TTC17: variants seen among roughly 807,000 people sequenced by gnomAD.
The protein encoded by TTC17 is tetratricopeptide repeat domain 17.
TTC17 carries 58 observed loss-of-function variants against 143.8 expected under a neutral mutation model. The observed-to-expected ratio is 0.40, with a 90% CI of 0.33 to 0.50. The LOEUF (loss-of-function observed/expected upper bound fraction) is 0.50. TTC17 is among the 20% of genes least tolerant of loss of function. TTC17 has a pLI of 0.49. For synonymous variants in TTC17, 501 were observed against 497.8 expected, an observed-to-expected ratio of 1.01 and a Z score of -0.09; for missense variants, 1,273 against 1,392.5, an observed-to-expected ratio of 0.91 and a Z score of 1.37.
At chr11:43,464,153 G>C (rs531698483) in intron 21 of TTC17, among the ~76,000 whole-genome samples, 61 of 151,978 alleles carry the variant, frequency 4.0e-4, no homozygotes, top group Non-Finnish European at 5.6e-4. Context: ...GGTGGTGCAC[G>C]CCTGTAATGC....
chr11:43,360,326 G>A (rs1403425580), intron 1 of TTC17, among the ~76,000 whole-genome samples: 5 of 152,196 alleles, frequency 3.3e-5, no homozygotes, highest in Non-Finnish European at 5.9e-5. Flanking sequence ...CATACATAAA[G>A]AACAGTTTCC....
At chr11:43,380,776 A>G (rs1856938319) in intron 2 of TTC17, among the ~76,000 whole-genome samples, 1 of 152,218 alleles carries the variant, frequency 6.6e-6, no homozygotes, top group Non-Finnish European at 1.5e-5. Flanking sequence ...GTGTTTCTAG[A>G]ACTTGAATAC....
intron 16 of TTC17, among the ~76,000 whole-genome samples, chr11:43,420,751 T>C (rs1946883392): frequency 6.6e-6 from 1 of 152,144 alleles, no homozygotes; most frequent in Non-Finnish European, 1.5e-5. Flanking sequence ...TATTTGTTGG[T>C]TTTTAATGTG....
At chr11:43,388,685 A>G (rs1857262289) in intron 2 of TTC17, among the ~76,000 whole-genome samples, 1 of 151,842 alleles carries the variant, frequency 6.6e-6, no homozygotes, top group Non-Finnish European at 1.5e-5. Context: ...TAAAACATAG[A>G]AAAGTTGGCC....
intron 1 of TTC17, 23 bp from the exon 2 acceptor site, chr11:43,379,210 A>C: frequency 6.2e-7 from 1 of 1,602,722 alleles, no homozygotes; most frequent in African/African-American, 1.3e-5. Context: ...TCCGAGCTTT[A>C]TTTATTTATT....
chr11:43,436,154 T>C, intron 16 of TTC17: 2 of 1,376,472 alleles, frequency 1.5e-6, no homozygotes, highest in Non-Finnish European at 1.9e-6. Flanking sequence ...CTGTGTCTCT[T>C]GTCATTGAGG....
intron 1 of TTC17, among the ~76,000 whole-genome samples, chr11:43,369,279 G>A (rs941408546): frequency 5.9e-5 from 9 of 152,174 alleles, no homozygotes; most frequent in African/African-American, 1.9e-4. Flanking sequence ...TAGGAGAATG[G>A]TGATTGTTTA....
At chr11:43,467,567 C>T (rs557946589) in intron 21 of TTC17, among the ~76,000 whole-genome samples, 3 of 152,172 alleles carry the variant, frequency 2.0e-5, no homozygotes, top group Admixed American at 1.3e-4. Context: ...TTTTCCCAGA[C>T]GAAGAAGTTC....
At chr11:43,395,988 GTAA>G (rs1313912280) in intron 5 of TTC17, 1 of 151,986 alleles carries the variant, frequency 6.6e-6, no homozygotes, top group Non-Finnish European at 1.5e-5. Flanking sequence ...GTATGATAAT[GTAA>G]TATACATTAC....
chr11:43,365,925 T>A (rs912967061), intron 1 of TTC17, among the ~76,000 whole-genome samples: 1 of 152,180 alleles, frequency 6.6e-6, no homozygotes, highest in Non-Finnish European at 1.5e-5. Context: ...ATATGTATGC[T>A]GAGAGTATCT....
chr11:43,429,611 A>G (rs1947107535), intron 16 of TTC17, among the ~76,000 whole-genome samples: 1 of 152,242 alleles, frequency 6.6e-6, no homozygotes, highest in African/African-American at 2.4e-5. Context: ...TTTACTAGAG[A>G]TAAATATGAA....
intron 1 of TTC17, among the ~76,000 whole-genome samples, chr11:43,362,454 G>C (rs113327974): frequency 1.3e-4 from 20 of 152,206 alleles, no homozygotes; most frequent in African/African-American, 4.6e-4. Flanking sequence ...GTCAACATGC[G>C]TATGTATTGG....
intron 1 of TTC17, among the ~76,000 whole-genome samples, chr11:43,367,550 C>T (rs1273041234): frequency 6.6e-6 from 1 of 152,178 alleles, no homozygotes; most frequent in Non-Finnish European, 1.5e-5. Flanking sequence ...TGAAAGTAAA[C>T]AGAAGGCGCT....
chr11:43,369,224 C>T (rs1468533213), intron 1 of TTC17, among the ~76,000 whole-genome samples: 1 of 152,174 alleles, frequency 6.6e-6, no homozygotes, highest in Non-Finnish European at 1.5e-5. Context: ...GGAAGTTACT[C>T]ATTTGTGGTT....
At chr11:43,378,123 A>T (rs532883612) in intron 1 of TTC17, among the ~76,000 whole-genome samples, 55 of 152,206 alleles carry the variant, frequency 3.6e-4, no homozygotes, top group African/African-American at 1.3e-3. Context: ...GGCTGGTCTC[A>T]AACTTTCAAC....
At chr11:43,408,668 G>A (rs1358610052) in intron 15 of TTC17, among the ~76,000 whole-genome samples, 1 of 152,146 alleles carries the variant, frequency 6.6e-6, no homozygotes, top group East Asian at 1.9e-4. Context: ...TAAAATTTTA[G>A]TTGTTAAATA....
At chr11:43,471,590 T>C (rs57308560) in intron 21 of TTC17, among the ~76,000 whole-genome samples, 21,868 of 152,268 alleles carry the variant, frequency 0.14, 4,219 homozygotes, top group African/African-American at 0.44. Context: ...AGCATAAGTT[T>C]GTCTCCAGCT....
chr11:43,392,715 A>T (rs2134535410), intron 5 of TTC17, among the ~76,000 whole-genome samples: 1 of 152,276 alleles, frequency 6.6e-6, no homozygotes, highest in Non-Finnish European at 1.5e-5. Context: ...GTAATGTAAA[A>T]CTTTTACATT....
At chr11:43,471,241 A>G (rs1274023940) in intron 21 of TTC17, among the ~76,000 whole-genome samples, 4 of 152,186 alleles carry the variant, frequency 2.6e-5, no homozygotes, top group African/African-American at 4.8e-5. Flanking sequence ...GTCCTATGTA[A>G]CCATGTGGGC....
Sources: gnomAD v4.1 joint callset for allele counts (sites outside exome capture counted in the v4.1 genomes callset) on GRCh38, gnomAD v4.1.1 for gene constraint, MANE v1.5 for transcripts, NCBI Gene and HGNC (gene_info 2026-07-23, HGNC 2026-07-21) for gene names.